CD151: variants seen among roughly 807,000 people sequenced by gnomAD.
The protein encoded by CD151 is CD151 molecule (Raph blood group).
A neutral mutation model predicts 34.2 loss-of-function variants in CD151; 20 were observed. The ratio of observed to expected loss-of-function variants is 0.58; its 90% CI spans 0.41 to 0.85. The LOEUF (loss-of-function observed/expected upper bound fraction) is 0.85, where lower values mean the gene tolerates loss of function less well. Among genes scored for constraint, CD151 ranks in the 40% least tolerant of loss-of-function variants. The pLI, the probability that CD151 is intolerant of heterozygous loss-of-function variation, is 0.00. For missense variants in CD151, 306 were observed against 324.5 expected (o/e 0.94, Z 0.44); for synonymous variants, 157 against 131.7 (o/e 1.19, Z -1.32).
intron 1 of CD151, 148 bp downstream of exon 1, chr11:833,174 GGA>G (rs1846595703): frequency 9.1e-6 from 1 of 109,400 alleles, no homozygotes; most frequent in Non-Finnish European, 2.0e-5. Flanking sequence ...GGAGGTTCCG[GGA>G]GGCCGCACCC....
In CD151 at chr11:837,936, C is replaced by T; in HGVS notation, c.616-6C>T. The stretch of plus-strand genomic sequence containing the variant: ...CCCGCCTTCAACACCCATCCGCGCC[C>T]CGCAGGGCGGCTGCATCACCAAGTT... On this transcript the variant is annotated splice_polypyrimidine_tract_variant and splice_region_variant and intron_variant, in intron 7 of 8. Coordinates refer to ENST00000397420, the MANE Select transcript of CD151 (RefSeq NM_004357.5). The T allele has an allele frequency of 6.2e-7, 1 of 1,610,206 alleles. No individual in the cohort carries two copies. The highest frequency in any genetic ancestry group is 1.1e-5 in the South Asian group (1 of 90,780).
At chr11:836,669 C>A (rs1846784476) in intron 4 of CD151, 100 bp from the exon 5 acceptor site, 3 of 1,212,638 alleles carry the variant, frequency 2.5e-6, no homozygotes, top group Non-Finnish European at 2.4e-6. Flanking sequence ...TCAGCCCCCA[C>A]CTGGAGCCTG....
In CD151 at chr11:838,130, C is replaced by G; in HGVS notation, c.703-3C>G. Reference sequence around the variant, plus strand: ...GCTTACGCCCACCCGGCTCTGCACACAGGTCTTTGGCATGATCTTCACGTG... The same window carrying G: ...GCTTACGCCCACCCGGCTCTGCACAGAGGTCTTTGGCATGATCTTCACGTG... On this transcript the variant is annotated splice_polypyrimidine_tract_variant and splice_region_variant and intron_variant, in intron 8 of 8. Transcript: ENST00000397420. The G allele has an allele frequency of 1.2e-6, 2 of 1,613,106 alleles. No individual in the cohort carries two copies. The highest frequency in any genetic ancestry group is 1.7e-6 in the Non-Finnish European group (2 of 1,179,696).
Position 836,409 on chromosome 11 carries a change from C to T in CD151, c.243C>T (p.Ala81=), listed in dbSNP as rs775577440. 3.1e-6 allele frequency: 5 copies of T among 1,611,418 alleles called. No homozygotes were observed. The highest frequency in any genetic ancestry group is 4.2e-6 in the Non-Finnish European group (5 of 1,179,740). ...TGACTGGGGTCTTGGGCTGCTGCGC[C>T]ACCTTCAAGGAGCGTCGGAACCTGC... ...VMVTGVLGCC[A]TFKERRNLLR... Residue 81 remains alanine (A), a synonymous_variant, in exon 4 of 9, where the codon GCC becomes GCT. Coordinates refer to ENST00000397420, the MANE Select transcript of CD151 (RefSeq NM_004357.5).
chr11:835,716 C>T, intron 2 of CD151: 1 of 215,458 alleles, frequency 4.6e-6, no homozygotes, highest in Non-Finnish European at 9.4e-6. Context: ...GAGATGGAGT[C>T]TCACTCTGTC....
chr11:838,281 C>A lies in CD151; in HGVS notation c.*89C>A. The A allele has an allele frequency of 9.1e-7, 1 of 1,096,198 alleles. No homozygotes were observed. Among genetic ancestry groups the A allele is most frequent in the Non-Finnish European group, 1.4e-6 (1 of 715,772 alleles). 67.9% of individuals were successfully genotyped at this position (1,096,198 alleles called of 1,614,324 possible). A position where few individuals can be genotyped will look rare whatever the true frequency, so the allele number is the denominator to read the frequency against. On this transcript the variant is annotated 3_prime_UTR_variant, in exon 9 of 9. Coordinates refer to ENST00000397420, the MANE Select transcript of CD151 (RefSeq NM_004357.5). ...GCTGGGCTCCCTGATGACACCCACC[C>A]TGTGCCATCACCATAACCTCTGGGG... is the stretch of plus-strand genomic sequence containing the variant.
chr11:837,436 AC>A (rs1565118618), intron 6 of CD151, 23 bp from the exon 7 acceptor site: 1 of 1,612,086 alleles, frequency 6.2e-7, no homozygotes, highest in Admixed American at 1.7e-5. Flanking sequence ...CCAGGTCTCA[AC>A]CCCAGCCTTG....
intron 1 of CD151, among the ~76,000 whole-genome samples, chr11:833,679 C>T (rs1328649960): frequency 2.0e-5 from 3 of 152,200 alleles, no homozygotes; most frequent in Non-Finnish European, 4.4e-5. Flanking sequence ...CACTCCTCAG[C>T]GGGTCGCCTG....
At chr11:836,677 C>A in intron 4 of CD151, 92 bp from the exon 5 acceptor site, 1 of 1,284,462 alleles carries the variant, frequency 7.8e-7, no homozygotes. Flanking sequence ...CACCTGGAGC[C>A]TGGGGAGCCG....
Position 836,327 on chromosome 11 carries a change from C to T in CD151, c.161C>T (p.Ser54Leu), listed in dbSNP as rs759489509. The change falls in exon 4 of 9, where the codon TCA (serine) becomes TTA (leucine). Residue 54 changes from serine (S) to leucine (L), a missense_variant. Transcript: ENST00000397420. ...AGTGACTACATCAGCCTGCTGGCCT[C>T]AGGCACCTACCTGGCCACAGCCTAC... The part of the protein sequence containing the change: ...LKSDYISLLA[S>L]GTYLATAYIL... 1 of 1,612,788 alleles carries T rather than the reference C, an allele frequency of 6.2e-7. No individual in the cohort carries two copies. The highest frequency in any genetic ancestry group is 8.5e-7 in the Non-Finnish European group (1 of 1,179,932).
chr11:837,586 C>T lies in CD151; in HGVS notation c.583C>T (p.Arg195Ter), dbSNP rs750823987. 7 of 1,612,652 alleles carry T rather than the reference C, an allele frequency of 4.3e-6. No individual in the cohort carries two copies. The highest frequency in any genetic ancestry group is 1.3e-5 in the African/African-American group (1 of 74,988). Residue 195 changes from arginine (R) to a stop codon, truncating the protein, a stop_gained, in exon 7 of 9, where the codon CGA (arginine) becomes TGA (stop). Coordinates refer to ENST00000397420, the MANE Select transcript of CD151 (RefSeq NM_004357.5). LOFTEE classifies it high-confidence loss of function. ...CKTVVALCGQ[R>*]DHASNIYKVE... ...GACGGTGGTGGCTCTTTGTGGGCAG[C>T]GAGACCATGCCTCCAACATCTACAA...
chr11:836,172 G>GGGGCC lies in CD151; in HGVS notation c.84+19_84+20insGGGCC. On this transcript the variant is annotated intron_variant, in intron 3 of 8. Transcript: ENST00000397420. The stretch of plus-strand genomic sequence containing the variant: ...CTTCTGGGTGAGGAGGGGTCGCCTT[G>GGGGCC]CCCCCACCCCCACCCCCACCCCTCC... 6.5e-7 allele frequency: 1 copy of GGGGCC among 1,547,482 alleles called. No individual in the cohort carries two copies. Among genetic ancestry groups the GGGGCC allele is most frequent in the Non-Finnish European group, 8.9e-7 (1 of 1,121,558 alleles).
At chr11:836,035 C>A in intron 2 of CD151, 28 bp from the exon 3 acceptor site, 3 of 1,376,468 alleles carry the variant, frequency 2.2e-6, no homozygotes, top group South Asian at 1.2e-5. Flanking sequence ...GTGCTGTGGC[C>A]CCGCTGACCC....
At chr11:833,860 G>A (rs1489760130) in intron 1 of CD151, 1 of 117,452 alleles carries the variant, frequency 8.5e-6, no homozygotes, top group Admixed American at 1.1e-4. Context: ...TGGTGGCAGG[G>A]TCTGCCTGTG....
At chr11:835,889 G>T (rs897927528) in intron 2 of CD151, 174 bp from the exon 3 acceptor site, 4 of 591,384 alleles carry the variant, frequency 6.8e-6, no homozygotes, top group East Asian at 2.9e-5. Flanking sequence ...GGGTTTCACC[G>T]TGTTAGCCAG....
chr11:836,198 C>G (rs370830997), intron 3 of CD151, 45 bp downstream of exon 3: 1 of 1,562,760 alleles, frequency 6.4e-7, no homozygotes, highest in Non-Finnish European at 8.8e-7. Context: ...CCACCCCTCC[C>G]GGGCCACCAT....
In CD151 at chr11:836,116, T is replaced by G. The variant is rs754573530; in HGVS notation, c.47T>G (p.Leu16Arg). ...AAGACAACATGTGGCACCGTTTGCC[T>G]CAAGTACCTGCTGTTTACCTACAAT... ...EKKTTCGTVC[L>R]KYLLFTYNCC... The change falls in exon 3 of 9, where the codon CTC becomes CGC. Residue 16 changes from leucine (L) to arginine (R), a missense_variant. Leu to Arg is a moderately radical substitution (Grantham distance 102, BLOSUM62 -2). Transcript: ENST00000397420. The G allele has an allele frequency of 1.7e-5, 27 of 1,612,794 alleles. No homozygotes were observed. The highest frequency in any genetic ancestry group is 2.1e-5 in the Non-Finnish European group (25 of 1,179,836).
chr11:837,771 CCAA>C (rs1445589194), intron 7 of CD151, among the ~76,000 whole-genome samples, 153 bp downstream of exon 7: 11 of 152,172 alleles, frequency 7.2e-5, no homozygotes, highest in Non-Finnish European at 1.2e-4. Context: ...GACCACACCT[CCAA>C]TATCTACGAG....
Position 838,276 on chromosome 11 carries a change from C to G in CD151, c.*84C>G, listed in dbSNP as rs748990514. 5 of 1,111,284 alleles carry G rather than the reference C, an allele frequency of 4.5e-6. No homozygotes were observed. In the Admixed American group the frequency reaches 8.7e-5, roughly 19 times the overall value. 68.8% of individuals were successfully genotyped at this position (1,111,284 alleles called of 1,614,324 possible). ...CAGGGGCTGGGCTCCCTGATGACACCCACCCTGTGCCATCACCATAACCTC... is the reference window on the plus strand; with the variant it reads ...CAGGGGCTGGGCTCCCTGATGACACGCACCCTGTGCCATCACCATAACCTC... On this transcript the variant is annotated 3_prime_UTR_variant, in exon 9 of 9. Transcript: ENST00000397420.
Sources: gnomAD v4.1 joint callset for allele counts (sites outside exome capture counted in the v4.1 genomes callset) on GRCh38, gnomAD v4.1.1 for gene constraint, MANE v1.5 for transcripts, NCBI Gene and HGNC (gene_info 2026-07-23, HGNC 2026-07-21) for gene names.